NRXN3: variants seen among roughly 807,000 people sequenced by gnomAD.
The protein encoded by NRXN3 is neurexin 3.
Under a neutral mutation model 137.6 loss-of-function variants are expected in NRXN3, and 32 were observed. The ratio of observed to expected loss-of-function variants is 0.23; its 90% CI spans 0.18 to 0.31. NRXN3 has a LOEUF of 0.31. Ranked by LOEUF, NRXN3 falls within the 10% of genes least tolerant of loss-of-function variation. NRXN3 has a pLI of 1.00. For synonymous variants in NRXN3, 798 were observed against 784.5 expected (o/e 1.02, Z -0.29); for missense variants, 1,574 against 2,062.5 (o/e 0.76, Z 4.59).
rs560872455 is a variant in NRXN3 at position 79,630,739 on chromosome 14, T to C, written c.3445-33039T>C. On this transcript the variant is annotated intron_variant, in intron 16 of 20. Transcript: ENST00000335750. ...AACCCCAGGCCATTTTGCGTGAAAA[T>C]AGTCCTTCTATAAATAAAAAATTTA... Among the ~76,000 whole-genome samples the C allele has an allele frequency of 1.7e-4, 26 of 152,300 alleles. No individual in the cohort carries two copies. The South Asian group carries it at 3.5e-3, about 21-fold the overall frequency.
intron 9 of NRXN3, among the ~76,000 whole-genome samples, chr14:78,808,805 C>T (rs1341920869): frequency 3.3e-5 from 5 of 152,080 alleles, no homozygotes; most frequent in Non-Finnish European, 7.4e-5. Context: ...CTTCATTCTC[C>T]CCTTTATTCT....
chr14:78,761,909 T>C (rs1595608060), intron 8 of NRXN3, among the ~76,000 whole-genome samples: 1 of 152,158 alleles, frequency 6.6e-6, no homozygotes, highest in East Asian at 1.9e-4. Flanking sequence ...TATTCATACA[T>C]TTTTGTGTAT....
Position 78,659,122 on chromosome 14 carries a change from T to A in NRXN3, c.1221+7796T>A, listed in dbSNP as rs571602768. ...ATGGATAGGCCCTCAAACAATATGATTGGTGTCGTTATAAGAAGGAGTGAT... is the reference window on the plus strand; with the variant it reads ...ATGGATAGGCCCTCAAACAATATGAATGGTGTCGTTATAAGAAGGAGTGAT... On this transcript the variant is annotated intron_variant, in intron 6 of 20. Transcript: ENST00000335750. Among the ~76,000 whole-genome samples the A allele has an allele frequency of 3.3e-5, 5 of 152,106 alleles. No individual in the cohort carries two copies. The South Asian group carries it at 1.0e-3, about 32-fold the overall frequency.
intron 15 of NRXN3, among the ~76,000 whole-genome samples, chr14:79,296,562 G>A (rs2084191228): frequency 6.6e-6 from 1 of 152,012 alleles, no homozygotes; most frequent in Non-Finnish European, 1.5e-5. Flanking sequence ...TTTGATGGAG[G>A]ACGTTGAGTA....
At chr14:78,652,604 A>G (rs1231977809) in intron 6 of NRXN3, among the ~76,000 whole-genome samples, 2 of 152,160 alleles carry the variant, frequency 1.3e-5, no homozygotes, top group African/African-American at 2.4e-5. Flanking sequence ...CTTGGGGCAT[A>G]TGTTTTATTC....
At chr14:78,341,956 T>G (rs1355841942) in intron 4 of NRXN3, among the ~76,000 whole-genome samples, 8 of 152,104 alleles carry the variant, frequency 5.3e-5, no homozygotes. Flanking sequence ...GGCCAGCTGG[T>G]TTTTACCTTG....
intron 1 of NRXN3, among the ~76,000 whole-genome samples, chr14:78,225,623 T>A (rs923537354): frequency 6.6e-6 from 1 of 152,174 alleles, no homozygotes; most frequent in African/African-American, 2.4e-5. Flanking sequence ...CATTTGTCAA[T>A]TTTGGCTTTT....
chr14:78,695,905 C>G (rs907399126), intron 6 of NRXN3: 1 of 152,084 alleles, frequency 6.6e-6, no homozygotes, highest in Admixed American at 6.6e-5. Flanking sequence ...AATTAGGGAA[C>G]TTCAGTACCT....
At chr14:79,335,924 T>G (rs1291766801) in intron 15 of NRXN3, among the ~76,000 whole-genome samples, 2 of 152,118 alleles carry the variant, frequency 1.3e-5, no homozygotes, top group Non-Finnish European at 2.9e-5. Context: ...TGTGCATGCA[T>G]TATTTCTACT....
intron 4 of NRXN3, among the ~76,000 whole-genome samples, chr14:78,535,500 T>C (rs1169735969): frequency 6.6e-6 from 1 of 152,236 alleles, no homozygotes; most frequent in East Asian, 1.9e-4. Flanking sequence ...AGAAGCTACT[T>C]AAGTATTCCA....
intron 9 of NRXN3, among the ~76,000 whole-genome samples, chr14:78,809,721 G>C (rs988283372): frequency 6.6e-6 from 1 of 152,176 alleles, no homozygotes; most frequent in African/African-American, 2.4e-5. Flanking sequence ...AACCTAAGGA[G>C]AGGGTGGAGG....
chr14:78,934,428 A>C (rs2099329960), intron 10 of NRXN3, among the ~76,000 whole-genome samples: 1 of 152,160 alleles, frequency 6.6e-6, no homozygotes, highest in Non-Finnish European at 1.5e-5. Context: ...GTGTCTTTGC[A>C]CACATGATGC....
At chr14:78,289,570 A>T (rs562621606) in intron 3 of NRXN3, among the ~76,000 whole-genome samples, 21 of 151,096 alleles carry the variant, frequency 1.4e-4, no homozygotes, top group African/African-American at 4.1e-4. Context: ...CTCTCTGTTC[A>T]TGCCAAATGT....
intron 8 of NRXN3, among the ~76,000 whole-genome samples, chr14:78,796,786 G>A (rs1376731336): frequency 2.6e-5 from 4 of 152,100 alleles, no homozygotes; most frequent in Admixed American, 1.3e-4. Context: ...AGGCTTAAAC[G>A]TGATCTCTCA....
At chr14:78,328,541 C>T (rs562155724) in intron 4 of NRXN3, among the ~76,000 whole-genome samples, 3 of 152,244 alleles carry the variant, frequency 2.0e-5, no homozygotes, top group East Asian at 1.9e-4. Context: ...CTAATGCAAA[C>T]GTAAAGACAA....
At chr14:78,180,426 C>T (rs576996177) in intron 1 of NRXN3, among the ~76,000 whole-genome samples, 39 of 152,288 alleles carry the variant, frequency 2.6e-4, no homozygotes, top group African/African-American at 7.7e-4. Flanking sequence ...GCTGAGCTGC[C>T]GCTGCATTAA....
chr14:78,977,120 G>A (rs760725945), intron 14 of NRXN3, among the ~76,000 whole-genome samples: 15 of 152,108 alleles, frequency 9.9e-5, no homozygotes, highest in Admixed American at 7.2e-4. Flanking sequence ...CCAGCCCAAG[G>A]TCACATTACT....
intron 14 of NRXN3, among the ~76,000 whole-genome samples, chr14:78,976,720 T>C (rs1484934590): frequency 6.6e-6 from 1 of 152,216 alleles, no homozygotes; most frequent in Non-Finnish European, 1.5e-5. Flanking sequence ...TTATTGTTCT[T>C]GTGTCCTTTT....
At chr14:78,340,417 A>G (rs533632617) in intron 4 of NRXN3, among the ~76,000 whole-genome samples, 2 of 152,298 alleles carry the variant, frequency 1.3e-5, no homozygotes, top group South Asian at 4.1e-4. Flanking sequence ...ATGGCTTATA[A>G]CTACAATTAT....
Sources: allele counts gnomAD v4.1 joint callset (sites outside exome capture counted in the v4.1 genomes callset), GRCh38; gene constraint gnomAD v4.1.1; transcripts MANE v1.5; gene names NCBI Gene and HGNC (gene_info 2026-07-23, HGNC 2026-07-21).